The following PARD3 variants were observed in gnomAD, a reference collection of about 807,000 sequenced individuals.
The protein encoded by PARD3 is partitioning defective 3 homolog.
A neutral mutation model predicts 155.4 loss-of-function variants in PARD3; 75 were observed. That is an observed-to-expected ratio of 0.48 (90% CI 0.40 to 0.58). The LOEUF (loss-of-function observed/expected upper bound fraction) is 0.58. Among genes scored for constraint, PARD3 ranks in the 20% least tolerant of loss-of-function variants. The pLI is 0.00. For missense variants in PARD3, 1,642 were observed against 1,721.7 expected (o/e 0.95, Z 0.82); for synonymous variants, 576 against 610.5 (o/e 0.94, Z 0.83).
intron 1 of PARD3, 129 bp downstream of exon 1, chr10:34,814,747 G>A (rs1588884506): frequency 1.3e-6 from 1 of 797,182 alleles, no homozygotes; most frequent in Non-Finnish European, 1.8e-6. Flanking sequence ...CGCCCGCGAG[G>A]CCCGACCGGC....
At chr10:34,238,894 C>T (rs1953404382) in intron 22 of PARD3, among the ~76,000 whole-genome samples, 1 of 152,188 alleles carries the variant, frequency 6.6e-6, no homozygotes, top group Non-Finnish European at 1.5e-5. Context: ...CATGAATATA[C>T]ATGGTTTTAA....
intron 3 of PARD3, among the ~76,000 whole-genome samples, chr10:34,472,346 A>G (rs1309978864): frequency 1.3e-5 from 2 of 152,220 alleles, no homozygotes; most frequent in African/African-American, 4.8e-5. Flanking sequence ...AGAACTATAT[A>G]GTCACTCTTA....
intron 21 of PARD3, among the ~76,000 whole-genome samples, chr10:34,280,650 G>A (rs1180797831): frequency 2.0e-5 from 3 of 152,110 alleles, no homozygotes; most frequent in Non-Finnish European, 4.4e-5. Context: ...AATCAACTCC[G>A]GTTTCCACAG....
intron 2 of PARD3, among the ~76,000 whole-genome samples, chr10:34,631,425 G>A (rs1354050907): frequency 6.6e-6 from 1 of 152,146 alleles, no homozygotes; most frequent in Non-Finnish European, 1.5e-5. Context: ...AGGGGGCAGT[G>A]ATTAAGAGGT....
At chr10:34,265,764 G>A (rs753568287) in intron 22 of PARD3, among the ~76,000 whole-genome samples, 1 of 152,168 alleles carries the variant, frequency 6.6e-6, no homozygotes, top group Non-Finnish European at 1.5e-5. Context: ...ACACATGAAG[G>A]CACGATGGAA....
At position 34,337,402 on chromosome 10, in the gene PARD3, T is replaced by A. The variant is rs749926269; in HGVS notation, c.2433A>T (p.Pro811=). Residue 811 remains proline (P), a synonymous_variant, in exon 17 of 25, where the codon CCA becomes CCT. Coordinates refer to ENST00000374788, the MANE Select transcript of PARD3 (RefSeq NM_001184785.2). The stretch of plus-strand genomic sequence containing the variant: ...ATCCTTCTCGTTGAAAAGCAAGAAC[T>A]GGATCAACATCTGGACTCAAAGAGC... ...ADCSLSPDVD[P]VLAFQREGFG... is the part of the protein sequence containing the mutation. The A allele has an allele frequency of 6.3e-7, 1 of 1,596,282 alleles. No homozygotes were observed. The highest frequency in any genetic ancestry group is 8.5e-7 in the Non-Finnish European group (1 of 1,172,664).
chr10:34,207,819 T>C (rs1311809605), intron 22 of PARD3, among the ~76,000 whole-genome samples: 1 of 152,194 alleles, frequency 6.6e-6, no homozygotes, highest in Non-Finnish European at 1.5e-5. Flanking sequence ...CACAATTTTC[T>C]TTAGAATGAA....
intron 20 of PARD3, among the ~76,000 whole-genome samples, chr10:34,295,526 A>C (rs928075919): frequency 2.6e-5 from 4 of 152,184 alleles, no homozygotes; most frequent in African/African-American, 9.7e-5. Flanking sequence ...TGGGGGAAGC[A>C]GATCCTGTTT....
intron 2 of PARD3, among the ~76,000 whole-genome samples, chr10:34,677,759 T>C (rs1309115032): frequency 2.0e-5 from 3 of 152,146 alleles, no homozygotes; most frequent in Admixed American, 6.5e-5. Context: ...TAACTCTCAA[T>C]GGTTTCACAG....
intron 2 of PARD3, among the ~76,000 whole-genome samples, chr10:34,526,843 G>A (rs192400717): frequency 1.3e-4 from 20 of 152,260 alleles, no homozygotes; most frequent in African/African-American, 4.3e-4. Context: ...CAGAAACAAG[G>A]GTAATTCCGT....
intron 23 of PARD3, among the ~76,000 whole-genome samples, chr10:34,125,345 G>T (rs1947227235): frequency 6.6e-6 from 1 of 152,178 alleles, no homozygotes; most frequent in Non-Finnish European, 1.5e-5. Context: ...GATTATAGGA[G>T]TGAGCCACCG....
At chr10:34,350,523 A>G (rs1364115397) in intron 14 of PARD3, among the ~76,000 whole-genome samples, 1 of 150,920 alleles carries the variant, frequency 6.6e-6, no homozygotes, top group Non-Finnish European at 1.5e-5. Flanking sequence ...AATTCCAGCT[A>G]CTCGGGAGGC....
At chr10:34,485,580 T>C (rs1437672810) in intron 3 of PARD3, among the ~76,000 whole-genome samples, 2 of 152,184 alleles carry the variant, frequency 1.3e-5, no homozygotes, top group South Asian at 2.1e-4. Flanking sequence ...TGACTGTCAA[T>C]TGGTTGAAAG....
intron 15 of PARD3, chr10:34,345,105 G>A (rs1837268184): frequency 3.0e-6 from 3 of 983,886 alleles, no homozygotes; most frequent in Admixed American, 6.2e-5. Flanking sequence ...GAAGATCTCA[G>A]CATTCCCCAG....
intron 1 of PARD3, among the ~76,000 whole-genome samples, chr10:34,757,039 G>A (rs1195602936): frequency 6.6e-6 from 1 of 152,178 alleles, no homozygotes; most frequent in Admixed American, 6.5e-5. Context: ...GAATATCTGT[G>A]AGGAAAAATT....
intron 1 of PARD3, among the ~76,000 whole-genome samples, chr10:34,789,936 T>C (rs924049871): frequency 3.3e-5 from 5 of 152,356 alleles, no homozygotes; most frequent in East Asian, 3.9e-4. Context: ...ACATCCAGTA[T>C]GCTTGCTCAA....
intron 19 of PARD3, among the ~76,000 whole-genome samples, chr10:34,323,744 T>A (rs1314562572): frequency 1.3e-5 from 2 of 152,234 alleles, no homozygotes; most frequent in African/African-American, 4.8e-5. Flanking sequence ...AATGGTAGAA[T>A]GTCACCTCCA....
intron 1 of PARD3, among the ~76,000 whole-genome samples, chr10:34,698,871 TCACAG>T (rs902534624): frequency 5.3e-5 from 8 of 152,240 alleles, no homozygotes; most frequent in African/African-American, 1.7e-4. Context: ...TTGATGATCT[TCACAG>T]CAAATTTTTT....
At chr10:34,652,342 G>A (rs1207735523) in intron 2 of PARD3, among the ~76,000 whole-genome samples, 1 of 152,226 alleles carries the variant, frequency 6.6e-6, no homozygotes, top group African/African-American at 2.4e-5. Flanking sequence ...GAGATGAAAA[G>A]AATAATGGCC....
Sources: gnomAD v4.1 joint callset for allele counts (sites outside exome capture counted in the v4.1 genomes callset) on GRCh38, gnomAD v4.1.1 for gene constraint, MANE v1.5 for transcripts, NCBI Gene and HGNC (gene_info 2026-07-23, HGNC 2026-07-21) for gene names.